Variants in UBE2E1 observed in about 807,000 individuals in gnomAD.
UBE2E1 encodes the protein ubiquitin-conjugating enzyme E2 E1.
A neutral mutation model predicts 21.4 loss-of-function variants in UBE2E1; 6 were observed. That is an observed-to-expected ratio of 0.28 (90% CI 0.15 to 0.55). The LOEUF (loss-of-function observed/expected upper bound fraction) is 0.55. UBE2E1 is among the 20% of genes least tolerant of loss of function. UBE2E1 has a pLI of 0.93. For missense variants in UBE2E1, 142 were observed against 236.5 expected, an observed-to-expected ratio of 0.60 and a Z score of 2.62; for synonymous variants, 87 against 82.7, an observed-to-expected ratio of 1.05 and a Z score of -0.28.
chr3:23,837,233 A>G (rs370402236), intron 3 of UBE2E1, among the ~76,000 whole-genome samples: 15 of 152,226 alleles, frequency 9.9e-5, no homozygotes, highest in Admixed American at 2.0e-4. Context: ...TCAGTTATAC[A>G]GGTGAGGAAG....
At position 23,823,930 on chromosome 3, in the gene UBE2E1, G is replaced by T. The variant is rs1699698606; in HGVS notation, c.203+12420G>T. Among the ~76,000 whole-genome samples, 1 of 152,166 alleles carries T rather than the reference G, an allele frequency of 6.6e-6. No homozygotes were observed. Among genetic ancestry groups the T allele is most frequent in the South Asian group, 2.1e-4 (1 of 4,830 alleles). ...CAGGGAGACTGGTAGCCCCCGAAAA[G>T]ACATTTATTTTTTGTAGCTTGGTAT... On this transcript the variant is annotated intron_variant, in intron 3 of 5. Transcript: ENST00000306627. This position sits in a 1 kb window ranked among gnomAD's most constrained non-coding sequence, Gnocchi z 4.2.
chr3:23,875,409 A>C (rs566417370), intron 3 of UBE2E1, among the ~76,000 whole-genome samples: 1 of 152,364 alleles, frequency 6.6e-6, no homozygotes, highest in Non-Finnish European at 1.5e-5. Context: ...GATTGTATCC[A>C]AATGACTATA....
At chr3:23,811,178 C>T (rs1699382679) in intron 2 of UBE2E1, among the ~76,000 whole-genome samples, 1 of 152,188 alleles carries the variant, frequency 6.6e-6, no homozygotes, top group Admixed American at 6.5e-5. Flanking sequence ...AAATTAGGTC[C>T]TACATGGAAA....
chr3:23,869,755 T>TAA (rs1426698111), intron 3 of UBE2E1, among the ~76,000 whole-genome samples: 3 of 133,150 alleles, frequency 2.3e-5, no homozygotes, highest in African/African-American at 8.5e-5. Context: ...AAAAAAAAGA[T>TAA]GTCTTATTAA....
intron 3 of UBE2E1, among the ~76,000 whole-genome samples, chr3:23,839,186 G>A (rs917347743): frequency 1.3e-5 from 2 of 151,926 alleles, no homozygotes; most frequent in African/African-American, 2.4e-5. Flanking sequence ...TAATTTAGCC[G>A]GGTGCGGTGG....
intron 2 of UBE2E1, 135 bp downstream of exon 2, chr3:23,807,556 T>C (rs983908193): frequency 9.1e-7 from 1 of 1,099,512 alleles, no homozygotes. Flanking sequence ...AGAAGGGCCT[T>C]GGAAGCCCTA....
rs1700097736 is a variant in UBE2E1 at position 23,842,167 on chromosome 3, T to C, written c.203+30657T>C. 6.8e-6 allele frequency among the ~76,000 whole-genome samples: 1 copy of C among 147,994 alleles called. No homozygotes were observed. The highest frequency in any genetic ancestry group is 6.9e-5 in the Admixed American group (1 of 14,472). Reference sequence around the variant, plus strand: ...TGTTAGGATCAGGTAAGAAGAAAGATTGAACTATGTCATGACCCAGTAAGT... The same window carrying C: ...TGTTAGGATCAGGTAAGAAGAAAGACTGAACTATGTCATGACCCAGTAAGT... On this transcript the variant is annotated intron_variant, in intron 3 of 5. Transcript: ENST00000306627. This position sits in a 1 kb window ranked among gnomAD's most constrained non-coding sequence, Gnocchi z 4.6.
chr3:23,828,972 T>C (rs79205405), intron 3 of UBE2E1, among the ~76,000 whole-genome samples: 2,196 of 152,062 alleles, frequency 0.014, 51 homozygotes, highest in African/African-American at 0.05. Context: ...GAAGGAGAGA[T>C]TAGCAAATTT....
chr3:23,825,334 A>AT (rs1321584070), intron 3 of UBE2E1, among the ~76,000 whole-genome samples: 1 of 152,052 alleles, frequency 6.6e-6, no homozygotes, highest in Non-Finnish European at 1.5e-5. Context: ...GGCTTATTCC[A>AT]TTTTTTGGCC....
Position 23,889,204 on chromosome 3 carries a change from A to C in UBE2E1, c.429A>C (p.Leu143=). The part of the protein sequence containing the change: ...DILKDNWSPA[L]TISKVLLSIC... ...TGAAAGATAATTGGAGTCCAGCACT[A>C]ACCATTTCTAAAGTCCTCCTTTCTA... is the stretch of plus-strand genomic sequence containing the variant. Residue 143 remains leucine, a synonymous_variant, in exon 5 of 6, where the codon CTA becomes CTC. Transcript: ENST00000306627. 3 of 1,613,748 alleles carry C rather than the reference A, an allele frequency of 1.9e-6. No homozygotes were observed. Among genetic ancestry groups the C allele is most frequent in the Non-Finnish European group, 8.5e-7 (1 of 1,179,926 alleles).
Position 23,808,920 on chromosome 3 carries a change from C to T in UBE2E1, c.152+1499C>T, listed in dbSNP as rs1387479283. 6.6e-6 allele frequency: 1 copy of T among 152,144 alleles called. No homozygotes were observed. The highest frequency in any genetic ancestry group is 1.5e-5 in the Non-Finnish European group (1 of 68,034). The allele number at this position is 152,144 out of a possible 1,614,324, so 9.4% of individuals were successfully genotyped here. A position where few individuals can be genotyped will look rare whatever the true frequency, so the allele number is the denominator to read the frequency against. ...TGGTAATTTGCATTTTTATATTTTG[C>T]TAGATATCCCTGGTGTACATGAATA... On this transcript the variant is annotated intron_variant, in intron 2 of 5. Coordinates refer to ENST00000306627, the MANE Select transcript of UBE2E1 (RefSeq NM_003341.5). The surrounding 1 kb of genome is among the most constrained non-coding windows in gnomAD (Gnocchi z 4.9).
intron 3 of UBE2E1, among the ~76,000 whole-genome samples, chr3:23,817,437 AAGAAAG>A (rs752289931): frequency 2.2e-5 from 2 of 89,602 alleles, no homozygotes; most frequent in African/African-American, 6.7e-5. Context: ...AAAAAAAAAA[AAGAAAG>A]AAAAGAAAAG....
intron 3 of UBE2E1, among the ~76,000 whole-genome samples, chr3:23,854,970 G>A (rs1700404420): frequency 6.6e-6 from 1 of 152,188 alleles, no homozygotes; most frequent in South Asian, 2.1e-4. Flanking sequence ...GACAGGTTAG[G>A]ATTCTCAAGT....
Position 23,890,679 on chromosome 3 carries a change from G to C in UBE2E1, c.*73G>C. 7.8e-7 allele frequency: 1 copy of C among 1,279,440 alleles called. No individual in the cohort carries two copies. Among genetic ancestry groups the C allele is most frequent in the Admixed American group, 2.2e-5 (1 of 45,492 alleles). The allele number at this position is 1,279,440 out of a possible 1,614,324, so 79.3% of individuals were successfully genotyped here. A position where few individuals can be genotyped will look rare whatever the true frequency, so the allele number is the denominator to read the frequency against. ...CTGCTTATGATTTTGAAGGGGTCAG[G>C]GAGGGTGGGAGTTGGTAAAGAGTAG... is the stretch of plus-strand genomic sequence containing the variant. On this transcript the variant is annotated 3_prime_UTR_variant, in exon 6 of 6. Transcript: ENST00000306627.
intron 3 of UBE2E1, among the ~76,000 whole-genome samples, chr3:23,859,440 T>A (rs1234644514): frequency 6.6e-6 from 1 of 152,246 alleles, no homozygotes; most frequent in Non-Finnish European, 1.5e-5. Context: ...CCCACCCTTG[T>A]GACTTTGATA....
chr3:23,814,782 T>C (rs1350238819), intron 3 of UBE2E1, among the ~76,000 whole-genome samples: 14 of 152,222 alleles, frequency 9.2e-5, no homozygotes, highest in Admixed American at 9.2e-4. Context: ...CGAATATCTG[T>C]AGACAGTATG....
intron 3 of UBE2E1, among the ~76,000 whole-genome samples, chr3:23,831,395 G>A (rs990605655): frequency 2.0e-5 from 3 of 152,132 alleles, no homozygotes; most frequent in Admixed American, 1.3e-4. Flanking sequence ...CTTGGGCGAG[G>A]GACCAGTTAG....
At position 23,853,541 on chromosome 3, in the gene UBE2E1, G is replaced by GT. The variant is rs953792213; in HGVS notation, c.204-34017dup. 5.3e-5 allele frequency among the ~76,000 whole-genome samples: 8 copies of GT among 150,678 alleles called. No individual in the cohort carries two copies. Among genetic ancestry groups the GT allele is most frequent in the South Asian group, 2.1e-4 (1 of 4,754 alleles). ...AGATTACAAAGATTTTTCTTCTGTT[G>GT]TTTTTTTTTAATATAAGTTTTATGG... On this transcript the variant is annotated intron_variant, in intron 3 of 5. Coordinates refer to ENST00000306627, the MANE Select transcript of UBE2E1 (RefSeq NM_003341.5). The surrounding 1 kb of genome is among the most constrained non-coding windows in gnomAD (Gnocchi z 4.1).
rs889536557 is a variant in UBE2E1 at position 23,836,539 on chromosome 3, G to T, written c.203+25029G>T. Reference sequence around the variant, plus strand: ...AACTGCAAGGTATTTCAGTGAGGCAGCTCTTTTGTTCTTTTTCCAAAAGAG... The same window carrying T: ...AACTGCAAGGTATTTCAGTGAGGCATCTCTTTTGTTCTTTTTCCAAAAGAG... On this transcript the variant is annotated intron_variant, in intron 3 of 5. Transcript: ENST00000306627. This position sits in a 1 kb window ranked among gnomAD's most constrained non-coding sequence, Gnocchi z 4.1. Among the ~76,000 whole-genome samples, 1 of 152,182 alleles carries T rather than the reference G, an allele frequency of 6.6e-6. No individual in the cohort carries two copies. Among genetic ancestry groups the T allele is most frequent in the Non-Finnish European group, 1.5e-5 (1 of 68,026 alleles).
Sources: allele counts gnomAD v4.1 joint callset (sites outside exome capture counted in the v4.1 genomes callset), GRCh38; gene constraint gnomAD v4.1.1; non-coding constraint Gnocchi (gnomAD v3.1); transcripts MANE v1.5; gene names NCBI Gene and HGNC (gene_info 2026-07-23, HGNC 2026-07-21).